Variants in CDC42BPA observed in about 807,000 individuals in gnomAD.
CDC42BPA encodes serine/threonine-protein kinase MRCK alpha.
Under a neutral mutation model 223.5 loss-of-function variants are expected in CDC42BPA, and 80 were observed. The observed-to-expected ratio is 0.36, with a 90% CI of 0.30 to 0.43. CDC42BPA has a LOEUF of 0.43. CDC42BPA is among the 20% of genes least tolerant of loss of function. CDC42BPA has a pLI of 1.00. For missense variants in CDC42BPA, 1,743 were observed against 2,099.9 expected (o/e 0.83, Z 3.32); for synonymous variants, 694 against 718.6 (o/e 0.97, Z 0.55).
chr1:227,208,476 TTTA>T (rs1314858401), intron 3 of CDC42BPA, among the ~76,000 whole-genome samples: 2 of 146,404 alleles, frequency 1.4e-5, no homozygotes, highest in Admixed American at 1.4e-4. Context: ...TTCTAGGGTT[TTTA>T]TGGTTTTAGG....
chr1:227,143,670 G>A (rs751735495), intron 8 of CDC42BPA, among the ~76,000 whole-genome samples: 2 of 152,182 alleles, frequency 1.3e-5, no homozygotes, highest in Non-Finnish European at 1.5e-5. Context: ...TTACAGTGCT[G>A]CTGGTGGTGA....
At chr1:227,183,127 C>T (rs1668221848) in intron 5 of CDC42BPA, 1 of 152,114 alleles carries the variant, frequency 6.6e-6, no homozygotes, top group Non-Finnish European at 1.5e-5. Context: ...TAACTGACTC[C>T]CTTTTATATA....
intron 5 of CDC42BPA, among the ~76,000 whole-genome samples, chr1:227,165,494 A>C (rs1391040005): frequency 6.6e-6 from 1 of 152,216 alleles, no homozygotes; most frequent in African/African-American, 2.4e-5. Flanking sequence ...TGAGCCTATT[A>C]TTAATTATAG....
chr1:227,194,326 T>C (rs1172314116), intron 4 of CDC42BPA, among the ~76,000 whole-genome samples: 1 of 152,162 alleles, frequency 6.6e-6, no homozygotes, highest in African/African-American at 2.4e-5. Context: ...TACAGGATAG[T>C]CCCTACATTG....
intron 1 of CDC42BPA, among the ~76,000 whole-genome samples, chr1:227,296,471 C>T (rs557790042): frequency 1.2e-4 from 19 of 152,030 alleles, no homozygotes; most frequent in East Asian, 1.9e-4. Flanking sequence ...TTTGGGAGGC[C>T]GAGGTGGGCA....
intron 2 of CDC42BPA, among the ~76,000 whole-genome samples, chr1:227,248,110 G>A (rs536653864): frequency 5.7e-4 from 86 of 152,058 alleles, no homozygotes; most frequent in Non-Finnish European, 1.0e-3. Flanking sequence ...CAACCTCAAA[G>A]GGTAAATCTA....
chr1:227,084,882 C>T (rs1681516751), intron 16 of CDC42BPA, among the ~76,000 whole-genome samples: 1 of 151,934 alleles, frequency 6.6e-6, no homozygotes, highest in African/African-American at 2.4e-5. Context: ...AGAAGAACCC[C>T]CTCCCTAATG....
intron 12 of CDC42BPA, 81 bp downstream of exon 12, chr1:227,119,719 AATTC>A: frequency 1.1e-6 from 1 of 923,638 alleles, no homozygotes; most frequent in Non-Finnish European, 1.5e-6. Context: ...GTATTATTGT[AATTC>A]ATTATGAATG....
chr1:227,156,971 G>C (rs1262253587), intron 6 of CDC42BPA, among the ~76,000 whole-genome samples: 1 of 152,026 alleles, frequency 6.6e-6, no homozygotes, highest in Non-Finnish European at 1.5e-5. Context: ...GTCATACCTG[G>C]CACTACCCAC....
intron 1 of CDC42BPA, among the ~76,000 whole-genome samples, chr1:227,312,126 T>C (rs1248019768): frequency 6.6e-6 from 1 of 152,260 alleles, no homozygotes; most frequent in African/African-American, 2.4e-5. Context: ...CTATATTTGA[T>C]GTACTTTATA....
intron 5 of CDC42BPA, among the ~76,000 whole-genome samples, chr1:227,177,136 A>AAT (rs1553378356): frequency 0.1 from 15,393 of 147,456 alleles, 935 homozygotes; most frequent in South Asian, 0.21. Flanking sequence ...AGAAAAAAAA[A>AAT]ATATATATAT....
chr1:227,184,788 TAA>T (rs1668486194), intron 5 of CDC42BPA, among the ~76,000 whole-genome samples: 2 of 152,294 alleles, frequency 1.3e-5, no homozygotes, highest in African/African-American at 4.8e-5. Context: ...GAATAAAGAC[TAA>T]GTCTGTAGAT....
At chr1:227,197,667 T>C (rs1409323671) in intron 4 of CDC42BPA, among the ~76,000 whole-genome samples, 1 of 152,142 alleles carries the variant, frequency 6.6e-6, no homozygotes. Flanking sequence ...TAATTATTTC[T>C]ATATTTATAC....
At chr1:227,005,872 A>T (rs368864937) in intron 34 of CDC42BPA, among the ~76,000 whole-genome samples, 3 of 152,310 alleles carry the variant, frequency 2.0e-5, no homozygotes, top group East Asian at 3.9e-4. Flanking sequence ...TGTTTTGCAA[A>T]TCACACACGC....
intron 5 of CDC42BPA, among the ~76,000 whole-genome samples, chr1:227,182,493 C>T (rs1420117562): frequency 2.0e-5 from 3 of 152,148 alleles, no homozygotes; most frequent in African/African-American, 4.8e-5. Flanking sequence ...AAATAATAGG[C>T]TCACAGGAAA....
At chr1:227,006,056 TGGA>T (rs1019619610) in intron 34 of CDC42BPA, among the ~76,000 whole-genome samples, 6 of 152,356 alleles carry the variant, frequency 3.9e-5, no homozygotes, top group Non-Finnish European at 7.3e-5. Context: ...TTATAAATCC[TGGA>T]GAAGACAAAT....
At chr1:227,077,806 T>A (rs1175589937) in intron 17 of CDC42BPA, among the ~76,000 whole-genome samples, 2 of 152,150 alleles carry the variant, frequency 1.3e-5, no homozygotes, top group Non-Finnish European at 2.9e-5. Flanking sequence ...ATGCCATCAT[T>A]TTCTTAACCT....
intron 21 of CDC42BPA, among the ~76,000 whole-genome samples, chr1:227,061,293 TCTTC>T: frequency 1.3e-5 from 2 of 152,286 alleles, no homozygotes; most frequent in South Asian, 4.1e-4. Flanking sequence ...CTATCTCCCT[TCTTC>T]CTTAATAATC....
intron 10 of CDC42BPA, among the ~76,000 whole-genome samples, chr1:227,133,988 T>TAAATA (rs1172452357): frequency 1.3e-5 from 2 of 151,378 alleles, no homozygotes; most frequent in East Asian, 1.9e-4. Flanking sequence ...AATAAATAAA[T>TAAATA]AAATAAATAA....
Sources: gnomAD v4.1 joint callset for allele counts (sites outside exome capture counted in the v4.1 genomes callset) on GRCh38, gnomAD v4.1.1 for gene constraint, MANE v1.5 for transcripts, NCBI Gene and HGNC (gene_info 2026-07-23, HGNC 2026-07-21) for gene names.